ZNF727: variants seen among roughly 807,000 people sequenced by gnomAD.
The protein encoded by ZNF727 is zinc finger protein 727.
Under a neutral mutation model 11.5 loss-of-function variants are expected in ZNF727, and 11 were observed. The observed-to-expected ratio is 0.95, with a 90% CI of 0.60 to 1.58. The LOEUF is 1.58. Among genes scored for constraint, ZNF727 ranks in the 40% most tolerant of loss-of-function variants. ZNF727 has a pLI of 0.00. For synonymous variants in ZNF727, 171 were observed against 196.1 expected (o/e 0.87, Z 1.07); for missense variants, 533 against 581.7 (o/e 0.92, Z 0.86).
At position 64,049,028 on chromosome 7, in the gene ZNF727, G is replaced by A. The variant is rs146923206; in HGVS notation, c.3+3404G>A. 3.1e-3 allele frequency among the ~76,000 whole-genome samples: 476 copies of A among 152,060 alleles called. 5 individuals carry two copies. Among genetic ancestry groups the A allele is most frequent in the African/African-American group, 0.011 (462 of 41,468 alleles). ...TATTGGTCTTCAATTTAGTGGCACAGGTATTGGCCAAGAAAATCTAATATG... is the reference window on the plus strand; with the variant it reads ...TATTGGTCTTCAATTTAGTGGCACAAGTATTGGCCAAGAAAATCTAATATG... On this transcript the variant is annotated intron_variant, in intron 1 of 3. Transcript: ENST00000456806.
intron 3 of ZNF727, among the ~76,000 whole-genome samples, chr7:64,071,214 A>G (rs2116317451): frequency 6.6e-6 from 1 of 152,198 alleles, no homozygotes; most frequent in East Asian, 1.9e-4. Flanking sequence ...GTCTCTAAGA[A>G]ATTACACATC....
chr7:64,066,824 C>T (rs1463557928), intron 1 of ZNF727, among the ~76,000 whole-genome samples: 3 of 152,144 alleles, frequency 2.0e-5, no homozygotes, highest in African/African-American at 4.8e-5. Flanking sequence ...AACTAAAGAG[C>T]TTCTGCACTG....
intron 3 of ZNF727, among the ~76,000 whole-genome samples, chr7:64,073,413 C>G (rs963018908): frequency 6.6e-6 from 1 of 151,072 alleles, no homozygotes; most frequent in Admixed American, 6.6e-5. Context: ...AATTTTTCAA[C>G]AATTATTTTT....
intron 1 of ZNF727, among the ~76,000 whole-genome samples, chr7:64,050,814 A>G (rs10280460): frequency 0.019 from 2,773 of 144,438 alleles, 103 homozygotes; most frequent in African/African-American, 0.069. Context: ...GTGTGTGTGT[A>G]TGTATGTATA....
At chr7:64,058,950 C>CTTTTTTTTTTTTTTTTTTTTTTTT (rs560995822) in intron 1 of ZNF727, among the ~76,000 whole-genome samples, 31 of 145,372 alleles carry the variant, frequency 2.1e-4, no homozygotes, top group East Asian at 2.0e-3. Context: ...ATTGCATTGT[C>CTTTTTTTTTTTTTTTTTTTTTTTT]TTTTTTTTTT....
In ZNF727 at chr7:64,068,793, CATAT is replaced by C. The variant is rs1189434291; in HGVS notation, c.4-96_4-93del. 8.8e-6 allele frequency: 12 copies of C among 1,364,940 alleles called. No individual in the cohort carries two copies. In the South Asian group the frequency reaches 9.0e-5, roughly 10 times the overall value. The allele number at this position is 1,364,940 out of a possible 1,614,324, so 84.6% of individuals were successfully genotyped here. ...ATCCTATTGGATAACTCCAGTAACT[CATAT>C]AAGTCAGAACCAGCTCTCTTTACTC... is the stretch of plus-strand genomic sequence containing the variant. On this transcript the variant is annotated intron_variant, in intron 1 of 3. Coordinates refer to ENST00000456806, the MANE Select transcript of ZNF727 (RefSeq NM_001159522.3).
intron 1 of ZNF727, among the ~76,000 whole-genome samples, chr7:64,060,294 G>A (rs2116291479): frequency 6.6e-6 from 1 of 152,268 alleles, no homozygotes; most frequent in East Asian, 1.9e-4. Context: ...TGAGGTTGGA[G>A]ATAATTTTGT....
chr7:64,064,078 G>T (rs1481558301), intron 1 of ZNF727, among the ~76,000 whole-genome samples: 3 of 152,082 alleles, frequency 2.0e-5, no homozygotes. Context: ...AGGAGCCAAG[G>T]CCTGAAATCA....
At chr7:64,064,524 T>C (rs1056209793) in intron 1 of ZNF727, among the ~76,000 whole-genome samples, 13 of 152,232 alleles carry the variant, frequency 8.5e-5, no homozygotes, top group Admixed American at 7.2e-4. Flanking sequence ...GAAAGAAAGA[T>C]TTTCTCCTGG....
At chr7:64,069,421 C>T (rs906773662) in intron 2 of ZNF727, 93 bp from the exon 3 acceptor site, 8 of 1,050,318 alleles carry the variant, frequency 7.6e-6, no homozygotes, top group African/African-American at 3.2e-5. Flanking sequence ...CTAGAGTCTT[C>T]TATAATGTTC....
In ZNF727 at chr7:64,084,467, C is replaced by T. The variant is rs780181055; in HGVS notation, c.*5918C>T. ...AAGGTTGTAGGTCAACAGATGGTAA[C>T]AATATACTATTGTGTGACTGTGGAA... On this transcript the variant is annotated 3_prime_UTR_variant, in exon 4 of 4. Transcript: ENST00000456806. Among the ~76,000 whole-genome samples, 6 of 152,134 alleles carry T rather than the reference C, an allele frequency of 3.9e-5. No individual in the cohort carries two copies. The highest frequency in any genetic ancestry group is 7.4e-5 in the Non-Finnish European group (5 of 67,996).
chr7:64,074,266 G>GA (rs1180954319), intron 3 of ZNF727, among the ~76,000 whole-genome samples: 3 of 152,080 alleles, frequency 2.0e-5, no homozygotes, highest in Non-Finnish European at 2.9e-5. Context: ...ATTGATTCTT[G>GA]AAAAACCTCT....
chr7:64,046,521 G>A (rs1456830538), intron 1 of ZNF727, among the ~76,000 whole-genome samples: 1 of 152,134 alleles, frequency 6.6e-6, no homozygotes, highest in Non-Finnish European at 1.5e-5. Context: ...GTTCCCTGAA[G>A]TTCTTATTTA....
intron 1 of ZNF727, among the ~76,000 whole-genome samples, chr7:64,064,585 T>G (rs1789833975): frequency 6.6e-6 from 1 of 152,166 alleles, no homozygotes; most frequent in Non-Finnish European, 1.5e-5. Context: ...GCAGGCACTT[T>G]CTTGGCCATC....
chr7:64,064,517 A>G (rs1789832689), intron 1 of ZNF727, among the ~76,000 whole-genome samples: 1 of 152,168 alleles, frequency 6.6e-6, no homozygotes, highest in Non-Finnish European at 1.5e-5. Flanking sequence ...TCAAGTAGAA[A>G]GAAAGATTTT....
intron 1 of ZNF727, among the ~76,000 whole-genome samples, chr7:64,060,163 G>T (rs1789748089): frequency 6.6e-6 from 1 of 152,146 alleles, no homozygotes; most frequent in Non-Finnish European, 1.5e-5. Flanking sequence ...TCTACTTAAA[G>T]ACTAAATATG....
In ZNF727 at chr7:64,069,539, G is replaced by C; in HGVS notation, c.156G>C (p.Leu52Phe). The C allele has an allele frequency of 2.6e-6, 4 of 1,559,724 alleles. No homozygotes were observed. The highest frequency in any genetic ancestry group is 3.5e-6 in the Non-Finnish European group (4 of 1,151,054). The change falls in exon 3 of 4, where the codon TTG becomes TTC. Residue 52 changes from leucine to phenylalanine, a missense_variant. Physicochemically the swap from Leu to Phe is conservative, Grantham distance 22. Transcript: ENST00000456806. ...GTCTTGCTATCTTTAAGCCAGACTTGATTACCTATCTGGAGCAAAGAAAAG... is the reference window on the plus strand; with the variant it reads ...GTCTTGCTATCTTTAAGCCAGACTTCATTACCTATCTGGAGCAAAGAAAAG... ...SLGLAIFKPD[L>F]ITYLEQRKEP...
chr7:64,057,459 GAA>G (rs1789702797), intron 1 of ZNF727, among the ~76,000 whole-genome samples: 1 of 152,138 alleles, frequency 6.6e-6, no homozygotes, highest in Non-Finnish European at 1.5e-5. Flanking sequence ...CACAGGAAGA[GAA>G]AACCAAACAC....
chr7:64,072,913 C>G (rs1218964631), intron 3 of ZNF727, among the ~76,000 whole-genome samples: 1 of 152,026 alleles, frequency 6.6e-6, no homozygotes, highest in African/African-American at 2.4e-5. Context: ...ATCACCCAGG[C>G]TGGTCTCAAA....
Sources: allele counts gnomAD v4.1 joint callset (sites outside exome capture counted in the v4.1 genomes callset), GRCh38; gene constraint gnomAD v4.1.1; transcripts MANE v1.5; gene names NCBI Gene and HGNC (gene_info 2026-07-23, HGNC 2026-07-21).